Variants in ZNF652 observed in about 807,000 individuals in gnomAD.
The protein encoded by ZNF652 is zinc finger protein 652.
In ZNF652, 16 loss-of-function variants were observed where a neutral mutation model predicts 45.2. The ratio of observed to expected loss-of-function variants is 0.35; its 90% CI spans 0.24 to 0.54. ZNF652 has a LOEUF of 0.54. ZNF652 is among the 20% of genes least tolerant of loss of function. The pLI is 0.91. For missense variants in ZNF652, 614 were observed against 765.6 expected (o/e 0.80, Z 2.34); for synonymous variants, 250 against 260.6 (o/e 0.96, Z 0.39).
chr17:49,336,274 C>T (rs1473158520), intron 1 of ZNF652, among the ~76,000 whole-genome samples: 2 of 150,950 alleles, frequency 1.3e-5, no homozygotes, highest in East Asian at 1.9e-4. Context: ...CTGTCTGCCT[C>T]GGCCTCCCAG....
chr17:49,304,862 A>G (rs1207254755), intron 5 of ZNF652, among the ~76,000 whole-genome samples: 1 of 129,640 alleles, frequency 7.7e-6, no homozygotes, highest in African/African-American at 2.9e-5. Flanking sequence ...GAATATACAT[A>G]TATGTATATA....
In ZNF652 at chr17:49,323,624, TA is replaced by T. The variant is rs2069922661; in HGVS notation, c.-258-5642del. ...TATAGTACAAAATCAATTTCTTAAATAATAAGACTAGGAGGTAAAAATTACT... is the reference window on the plus strand; with the variant it reads ...TATAGTACAAAATCAATTTCTTAAATATAAGACTAGGAGGTAAAAATTACT... On this transcript the variant is annotated intron_variant, in intron 1 of 5. Coordinates refer to ENST00000430262, the MANE Select transcript of ZNF652 (RefSeq NM_001145365.3). Among the ~76,000 whole-genome samples, 7 of 152,134 alleles carry T rather than the reference TA, an allele frequency of 4.6e-5. No homozygotes were observed. The South Asian group carries it at 1.5e-3, about 32-fold the overall frequency.
intron 1 of ZNF652, among the ~76,000 whole-genome samples, chr17:49,335,886 A>C (rs1370024363): frequency 6.6e-6 from 1 of 152,214 alleles, no homozygotes; most frequent in Non-Finnish European, 1.5e-5. Flanking sequence ...CAGAGATGTG[A>C]GCACACTTAA....
chr17:49,349,196 T>C (rs11654254), intron 1 of ZNF652, among the ~76,000 whole-genome samples: 3,047 of 152,218 alleles, frequency 0.02, 53 homozygotes, highest in Non-Finnish European at 0.031. Flanking sequence ...TTGGGAAGGA[T>C]TGAACACCTG....
intron 5 of ZNF652, among the ~76,000 whole-genome samples, chr17:49,306,884 C>A (rs2069636690): frequency 6.6e-6 from 1 of 152,008 alleles, no homozygotes; most frequent in Admixed American, 6.6e-5. Flanking sequence ...TCTTGAGTAG[C>A]TGGGATTACA....
chr17:49,306,674 C>G (rs2069633267), intron 5 of ZNF652, among the ~76,000 whole-genome samples: 1 of 152,154 alleles, frequency 6.6e-6, no homozygotes, highest in African/African-American at 2.4e-5. Context: ...ATGTATATAT[C>G]TCTTTGCTAT....
intron 5 of ZNF652, among the ~76,000 whole-genome samples, chr17:49,306,959 G>T (rs1465798988): frequency 1.3e-5 from 2 of 151,754 alleles, no homozygotes; most frequent in African/African-American, 4.8e-5. Context: ...TGCTGTGTTG[G>T]CCAGGCTGGT....
intron 1 of ZNF652, among the ~76,000 whole-genome samples, chr17:49,333,545 T>TA (rs1182199037): frequency 0.041 from 1,969 of 48,074 alleles, 127 homozygotes; most frequent in African/African-American, 0.075. Flanking sequence ...CTGTCTCTAC[T>TA]AAAAAAAAAA....
chr17:49,354,731 TTTTTC>T (rs1415742340), intron 1 of ZNF652, among the ~76,000 whole-genome samples: 1 of 152,146 alleles, frequency 6.6e-6, no homozygotes, highest in Admixed American at 6.6e-5. Flanking sequence ...TTTCTTTTTC[TTTTTC>T]TTTTTTTTGA....
rs564892781 is a variant in ZNF652 at position 49,295,370 on chromosome 17, C to T, written c.*3043G>A. On this transcript the variant is annotated 3_prime_UTR_variant, in exon 6 of 6. Coordinates refer to ENST00000430262, the MANE Select transcript of ZNF652 (RefSeq NM_001145365.3). ...GAAGTTTCTAAATTGTTCCACAATA[C>T]ACTTCACTAAGAATTGTACTGTATG... 1 of 141,754 alleles carries T rather than the reference C, an allele frequency of 7.1e-6. No homozygotes were observed. Among genetic ancestry groups the T allele is most frequent in the South Asian group, 2.3e-4 (1 of 4,290 alleles). 8.8% of individuals were successfully genotyped at this position (141,754 alleles called of 1,614,324 possible).
At chr17:49,349,059 T>A (rs1433266216) in intron 1 of ZNF652, among the ~76,000 whole-genome samples, 1 of 152,310 alleles carries the variant, frequency 6.6e-6, no homozygotes, top group African/African-American at 2.4e-5. Flanking sequence ...AGTGATTTTT[T>A]AAAAATCCAT....
chr17:49,295,256 T>C lies in ZNF652; in HGVS notation c.*3157A>G, dbSNP rs1378756011. 5 of 151,954 alleles carry C rather than the reference T, an allele frequency of 3.3e-5. No homozygotes were observed. The highest frequency in any genetic ancestry group is 7.4e-5 in the Non-Finnish European group (5 of 67,984). 9.4% of individuals were successfully genotyped at this position (151,954 alleles called of 1,614,324 possible). Reference sequence around the variant, plus strand: ...TCATTATTTATATACAATATGATACTGATGAGGAGTCATTATATTCTGAGT... The same window carrying C: ...TCATTATTTATATACAATATGATACCGATGAGGAGTCATTATATTCTGAGT... On this transcript the variant is annotated 3_prime_UTR_variant, in exon 6 of 6. Coordinates refer to ENST00000430262, the MANE Select transcript of ZNF652 (RefSeq NM_001145365.3).
intron 1 of ZNF652, among the ~76,000 whole-genome samples, chr17:49,325,013 T>C (rs1055832510): frequency 6.6e-6 from 1 of 152,122 alleles, no homozygotes; most frequent in Non-Finnish European, 1.5e-5. Context: ...AGTGCTGGGA[T>C]TACAGGTGTG....
chr17:49,295,644 G>A lies in ZNF652; in HGVS notation c.*2769C>T, dbSNP rs1164970635. 1 of 152,254 alleles carries A rather than the reference G, an allele frequency of 6.6e-6. No homozygotes were observed. The highest frequency in any genetic ancestry group is 1.9e-4 in the East Asian group (1 of 5,186). The allele number at this position is 152,254 out of a possible 1,614,324, so 9.4% of individuals were successfully genotyped here. ...CTGCCCAATACTGTAAATTTATTCA[G>A]AACAAAATAAGGCAGTTGGACGTGG... is the stretch of plus-strand genomic sequence containing the variant. On this transcript the variant is annotated 3_prime_UTR_variant, in exon 6 of 6. Transcript: ENST00000430262.
At chr17:49,309,519 AAAAG>A (rs993864421) in intron 5 of ZNF652, among the ~76,000 whole-genome samples, 3 of 151,466 alleles carry the variant, frequency 2.0e-5, no homozygotes, top group Non-Finnish European at 4.4e-5. Context: ...GAAAAAAAAA[AAAAG>A]AAAGAAAACC....
rs761975671 is a variant in ZNF652, at chr17:49,317,494, GTTC to G, written c.229_231del (p.Glu77del). 1.2e-5 allele frequency: 19 copies of G among 1,614,004 alleles called. No homozygotes were observed. The African/African-American group carries it at 1.9e-4, about 16-fold the overall frequency. ...GCTCTTGTCTCCCTGAAATATGGCTGTTCTTCTGTTTCATGGAGATGCGGTTTG... is the reference window on the plus strand; with the variant it reads ...GCTCTTGTCTCCCTGAAATATGGCTGTTCTGTTTCATGGAGATGCGGTTTG... On this transcript the variant is annotated inframe_deletion, in exon 2 of 6. Coordinates refer to ENST00000430262, the MANE Select transcript of ZNF652 (RefSeq NM_001145365.3).
intron 1 of ZNF652, among the ~76,000 whole-genome samples, chr17:49,336,943 T>TG: frequency 6.7e-5 from 2 of 30,050 alleles, no homozygotes; most frequent in Non-Finnish European, 1.3e-4. Context: ...CTTAATGGTG[T>TG]TTTTTTTTTT....
At chr17:49,341,007 G>A (rs2070139376) in intron 1 of ZNF652, among the ~76,000 whole-genome samples, 1 of 152,122 alleles carries the variant, frequency 6.6e-6, no homozygotes, top group Non-Finnish European at 1.5e-5. Context: ...CTTCAAGCCA[G>A]GAGTTCGAGA....
Position 49,311,292 on chromosome 17 carries a change from C to T in ZNF652, c.1309+20G>A. On this transcript the variant is annotated intron_variant, in intron 5 of 5. Transcript: ENST00000430262. The stretch of plus-strand genomic sequence containing the variant: ...CAAGTGCTTGAGACATTATCTGTAC[C>T]TTTCCCAAGAAATTCTTACCAGTGT... 6.2e-7 allele frequency: 1 copy of T among 1,612,762 alleles called. No individual in the cohort carries two copies. The highest frequency in any genetic ancestry group is 8.5e-7 in the Non-Finnish European group (1 of 1,178,994).
Sources: gnomAD v4.1 joint callset for allele counts (sites outside exome capture counted in the v4.1 genomes callset) on GRCh38, gnomAD v4.1.1 for gene constraint, MANE v1.5 for transcripts, NCBI Gene and HGNC (gene_info 2026-07-23, HGNC 2026-07-21) for gene names.